KIAA0586: variants seen among roughly 807,000 people sequenced by gnomAD.
KIAA0586 encodes KIAA0586, also known as protein TALPID3.
KIAA0586 carries 144 observed loss-of-function variants against 169.8 expected under a neutral mutation model. The ratio of observed to expected loss-of-function variants is 0.85; its 90% CI spans 0.74 to 0.97. KIAA0586 has a LOEUF of 0.97. KIAA0586 is among the 50% of genes least tolerant of loss of function. The pLI is 0.00. For missense variants in KIAA0586, 1,854 were observed against 1,823.0 expected (o/e 1.02, Z -0.31); for synonymous variants, 625 against 612.4 (o/e 1.02, Z -0.30).
chr14:58,516,288 G>A (rs1373356920), intron 29 of KIAA0586, among the ~76,000 whole-genome samples: 1 of 152,112 alleles, frequency 6.6e-6, no homozygotes, highest in Non-Finnish European at 1.5e-5. Context: ...AGAAAGACAG[G>A]ATGCCCCACT....
intron 16 of KIAA0586, 61 bp from the exon 17 acceptor site, chr14:58,470,552 C>T (rs1327523804): frequency 1.0e-6 from 1 of 959,652 alleles, no homozygotes. Flanking sequence ...TATACACATA[C>T]TCATAAAAAT....
intron 26 of KIAA0586, among the ~76,000 whole-genome samples, chr14:58,496,399 CA>C (rs1291572160): frequency 6.6e-6 from 1 of 152,142 alleles, no homozygotes; most frequent in Admixed American, 6.5e-5. Flanking sequence ...AGATTCACAA[CA>C]GAGAAGTTAC....
At chr14:58,500,444 C>T (rs1043555311) in intron 27 of KIAA0586, among the ~76,000 whole-genome samples, 30 of 152,176 alleles carry the variant, frequency 2.0e-4, no homozygotes, top group African/African-American at 4.8e-4. Flanking sequence ...CAGTGGCTCA[C>T]GCCTGTAATC....
chr14:58,488,803 C>CT lies in KIAA0586; in HGVS notation c.3711dup (p.Glu1238Ter). The CT allele has an allele frequency of 6.2e-7, 1 of 1,613,872 alleles. No individual in the cohort carries two copies. The highest frequency in any genetic ancestry group is 8.5e-7 in the Non-Finnish European group (1 of 1,179,812). On this transcript the variant is annotated frameshift_variant, in exon 24 of 31. Transcript: ENST00000652326. LOFTEE classifies it high-confidence loss of function. ...ACATTGAGTGTTACTGTCACTGAAA[C>CT]TGAAACTTTAGATAAACCCATCTCT...
chr14:58,468,248 A>G lies in KIAA0586; in HGVS notation c.2442+326A>G, dbSNP rs148542113. 4.6e-4 allele frequency among the ~76,000 whole-genome samples: 70 copies of G among 151,826 alleles called. No homozygotes were observed. The East Asian group carries it at 0.011, about 23-fold the overall frequency. Reference sequence around the variant, plus strand: ...TTTTTTTTAGTAGAGATGGGGTTTCATATGTTGGCCAGGCTTGTCTCAAAC... The same window carrying G: ...TTTTTTTTAGTAGAGATGGGGTTTCGTATGTTGGCCAGGCTTGTCTCAAAC... On this transcript the variant is annotated intron_variant, in intron 16 of 30. Coordinates refer to ENST00000652326, the MANE Select transcript of KIAA0586 (RefSeq NM_001329943.3).
chr14:58,482,479 C>G, intron 20 of KIAA0586, 34 bp from the exon 21 acceptor site: 1 of 1,371,570 alleles, frequency 7.3e-7, no homozygotes, highest in South Asian at 1.8e-5. Context: ...ATGTTTCTTG[C>G]CCACTTATTC....
intron 13 of KIAA0586, among the ~76,000 whole-genome samples, chr14:58,460,350 A>G (rs1004182211): frequency 2.0e-5 from 3 of 152,144 alleles, no homozygotes; most frequent in Admixed American, 6.5e-5. Context: ...CATCTAGTCC[A>G]AAAACTAGAT....
chr14:58,538,496 A>C (rs955004153), intron 29 of KIAA0586, among the ~76,000 whole-genome samples: 1 of 152,086 alleles, frequency 6.6e-6, no homozygotes. Context: ...GTTACATGAG[A>C]TATTTTGATA....
chr14:58,505,020 A>AT (rs1046568928), intron 27 of KIAA0586, among the ~76,000 whole-genome samples: 3 of 152,180 alleles, frequency 2.0e-5, no homozygotes, highest in Admixed American at 2.0e-4. Context: ...TGTGAAAGCT[A>AT]TTACGCACTT....
At chr14:58,534,802 A>G (rs900647899) in intron 29 of KIAA0586, among the ~76,000 whole-genome samples, 1 of 152,254 alleles carries the variant, frequency 6.6e-6, no homozygotes. Context: ...GTTTAAAACT[A>G]CAAAGGTATC....
rs201295491 is a variant in KIAA0586, at chr14:58,457,994, G to A, written c.1583+15G>A. 3.1e-4 allele frequency: 476 copies of A among 1,521,540 alleles called. 3 individuals carry two copies. Among genetic ancestry groups the A allele is most frequent in the Non-Finnish European group, 9.0e-5 (100 of 1,115,040 alleles). 94.3% of individuals were successfully genotyped at this position (1,521,540 alleles called of 1,614,324 possible). On this transcript the variant is annotated intron_variant, in intron 11 of 30. Coordinates refer to ENST00000652326, the MANE Select transcript of KIAA0586 (RefSeq NM_001329943.3). The stretch of plus-strand genomic sequence containing the variant: ...TCTACCAACAGGTAAGAGGATGTTG[G>A]CATCCAGGGTTATTTATGAGTCTGT...
intron 13 of KIAA0586, 39 bp from the exon 14 acceptor site, chr14:58,460,947 A>C: frequency 8.4e-6 from 12 of 1,431,196 alleles, no homozygotes; most frequent in Non-Finnish European, 1.1e-5. Context: ...GTGTTTGATG[A>C]CTGTTTTCAT....
intron 15 of KIAA0586, 61 bp from the exon 16 acceptor site, chr14:58,467,674 T>C: frequency 8.4e-7 from 1 of 1,188,030 alleles, no homozygotes; most frequent in South Asian, 1.4e-5. Context: ...CCAGATGGTA[T>C]ATTAGACTTT....
intron 9 of KIAA0586, 39 bp downstream of exon 9, chr14:58,453,512 G>C (rs539521279): frequency 1.2e-5 from 16 of 1,389,672 alleles, no homozygotes; most frequent in Middle Eastern, 4.0e-4. Flanking sequence ...AGATTGAAAA[G>C]AGTTTTGTTA....
intron 4 of KIAA0586, among the ~76,000 whole-genome samples, chr14:58,432,831 C>G (rs773654649): frequency 6.6e-6 from 1 of 152,190 alleles, no homozygotes; most frequent in Non-Finnish European, 1.5e-5. Flanking sequence ...AATCTCCTGC[C>G]TCAGTCTCCC....
rs112528323 is a variant in KIAA0586 at position 58,533,057 on chromosome 14, C to T, written c.4430-7014C>T. On this transcript the variant is annotated intron_variant, in intron 29 of 30. Transcript: ENST00000652326. ...CACTTTTTTCTTGGGAATATAATTG[C>T]AGTAATACTGTACCACCTAATGGAG... Among the ~76,000 whole-genome samples, 18 of 152,274 alleles carry T rather than the reference C, an allele frequency of 1.2e-4. 1 individual carries two copies. Among genetic ancestry groups the T allele is most frequent in the African/African-American group, 4.1e-4 (17 of 41,560 alleles).
chr14:58,439,187 TTTTC>T (rs2038084100), intron 4 of KIAA0586, among the ~76,000 whole-genome samples: 2 of 150,828 alleles, frequency 1.3e-5, no homozygotes, highest in African/African-American at 2.4e-5. Context: ...CCATTGCTTT[TTTTC>T]TTTCTTTTTT....
chr14:58,445,561 G>A (rs2038810315), intron 6 of KIAA0586, among the ~76,000 whole-genome samples: 1 of 151,536 alleles, frequency 6.6e-6, no homozygotes, highest in Non-Finnish European at 1.5e-5. Flanking sequence ...AGCTACCCGA[G>A]TAGCTGGGAT....
Position 58,429,348 on chromosome 14 carries a change from C to T in KIAA0586, c.200-15C>T, listed in dbSNP as rs764593812. On this transcript the variant is annotated splice_polypyrimidine_tract_variant and intron_variant, in intron 1 of 30. Transcript: ENST00000652326. ...GATTTTAAAATCACTAAAATCTATT[C>T]CTTTGTTTTGTTAGGTTCATCAGAC... 4.0e-6 allele frequency: 6 copies of T among 1,500,848 alleles called. No homozygotes were observed. The East Asian group carries it at 1.4e-4, about 34-fold the overall frequency. The allele number at this position is 1,500,848 out of a possible 1,614,324, so 93.0% of individuals were successfully genotyped here.
Sources: gnomAD v4.1 joint callset for allele counts (sites outside exome capture counted in the v4.1 genomes callset) on GRCh38, gnomAD v4.1.1 for gene constraint, MANE v1.5 for transcripts, NCBI Gene and HGNC (gene_info 2026-07-23, HGNC 2026-07-21) for gene names.